The following SERTAD4 variants were observed in gnomAD, a reference collection of about 807,000 sequenced individuals.
SERTAD4 encodes the protein SERTA domain-containing protein 4.
SERTAD4 carries 18 observed loss-of-function variants against 32.9 expected under a neutral mutation model. The ratio of observed to expected loss-of-function variants is 0.55; its 90% CI spans 0.38 to 0.81. The LOEUF (loss-of-function observed/expected upper bound fraction) is 0.81, where lower values mean the gene tolerates loss of function less well. SERTAD4 is among the 30% of genes least tolerant of loss of function. The pLI, the probability that SERTAD4 is intolerant of heterozygous loss-of-function variation, is 0.00. For synonymous variants in SERTAD4, 150 were observed against 156.4 expected, an observed-to-expected ratio of 0.96 and a Z score of 0.30; for missense variants, 383 against 426.0, an observed-to-expected ratio of 0.90 and a Z score of 0.89.
chr1:210,240,672 G>A (rs778034600), intron 3 of SERTAD4, among the ~76,000 whole-genome samples: 2 of 152,156 alleles, frequency 1.3e-5, no homozygotes, highest in Admixed American at 6.5e-5. Flanking sequence ...ACCAACCATC[G>A]CATAGTGACA....
chr1:210,237,935 T>TC lies in SERTAD4; in HGVS notation c.-17-8dup, dbSNP rs772810832. The TC allele has an allele frequency of 1.9e-6, 3 of 1,568,710 alleles. No individual in the cohort carries two copies. The highest frequency in any genetic ancestry group is 2.3e-5 in the South Asian group (2 of 85,128). On this transcript the variant is annotated splice_polypyrimidine_tract_variant and intron_variant, in intron 1 of 3. Coordinates refer to ENST00000367012, the MANE Select transcript of SERTAD4 (RefSeq NM_019605.5). The stretch of plus-strand genomic sequence containing the variant: ...TCTTCATTCTTGTTTTTTTTTTTTT[T>TC]CTTTTCAGATCTGAGGCTGTCAGAG...
Position 210,244,115 on chromosome 1 carries a change from T to G in SERTAD4, c.*1778T>G, listed in dbSNP as rs1405190556. On this transcript the variant is annotated 3_prime_UTR_variant, in exon 4 of 4. Coordinates refer to ENST00000367012, the MANE Select transcript of SERTAD4 (RefSeq NM_019605.5). ...ATAAAAATTCATTAAGTTTTTTAAA[T>G]TTTAATGGCTATTGGCTATGTTTCT... 1 of 152,216 alleles carries G rather than the reference T, an allele frequency of 6.6e-6. No individual in the cohort carries two copies. The allele number at this position is 152,216 out of a possible 1,614,324, so 9.4% of individuals were successfully genotyped here. A position where few individuals can be genotyped will look rare whatever the true frequency, so the allele number is the denominator to read the frequency against.
At position 210,238,266 on chromosome 1, in the gene SERTAD4, T is replaced by C. The variant is rs2083962348; in HGVS notation, c.175+131T>C. ...CTAAAGCTCCAGGGACTTCCCGGGC[T>C]GCCTGTGCGCCTCTCATAAGTGAGT... On this transcript the variant is annotated intron_variant, in intron 2 of 3. Coordinates refer to ENST00000367012, the MANE Select transcript of SERTAD4 (RefSeq NM_019605.5). 4 of 616,132 alleles carry C rather than the reference T, an allele frequency of 6.5e-6. No homozygotes were observed. The East Asian group carries it at 8.4e-5, about 13-fold the overall frequency. The allele number at this position is 616,132 out of a possible 1,614,324, so 38.2% of individuals were successfully genotyped here.
chr1:210,242,470 C>T lies in SERTAD4; in HGVS notation c.*133C>T. The T allele has an allele frequency of 7.0e-7, 1 of 1,435,718 alleles. No individual in the cohort carries two copies. The highest frequency in any genetic ancestry group is 1.4e-5 in the African/African-American group (1 of 70,112). The allele number at this position is 1,435,718 out of a possible 1,614,324, so 88.9% of individuals were successfully genotyped here. A position where few individuals can be genotyped will look rare whatever the true frequency, so the allele number is the denominator to read the frequency against. The stretch of plus-strand genomic sequence containing the variant: ...ATGAACATGCCATGTCGTTTTAATG[C>T]CTGGAGAGCAGATTGCGTAAAACAT... On this transcript the variant is annotated 3_prime_UTR_variant, in exon 4 of 4. Transcript: ENST00000367012. The surrounding 1 kb of genome is among the most constrained non-coding windows in gnomAD (Gnocchi z 4.0).
Position 210,244,375 on chromosome 1 carries a change from C to T in SERTAD4, c.*2038C>T, listed in dbSNP as rs2084027915. The stretch of plus-strand genomic sequence containing the variant: ...TGAAAGAATGTAAAGATTTTCCTTT[C>T]TGGAGTGTCTCTGAAAAAAATTGTA... On this transcript the variant is annotated 3_prime_UTR_variant, in exon 4 of 4. Transcript: ENST00000367012. 1 of 152,152 alleles carries T rather than the reference C, an allele frequency of 6.6e-6. No homozygotes were observed. The highest frequency in any genetic ancestry group is 2.4e-5 in the African/African-American group (1 of 41,426). The allele number at this position is 152,152 out of a possible 1,614,324, so 9.4% of individuals were successfully genotyped here.
At chr1:210,233,994 T>TAAAAA (rs1269438559) in intron 1 of SERTAD4, 5 of 334,938 alleles carry the variant, frequency 1.5e-5, no homozygotes, top group Admixed American at 8.5e-5. Flanking sequence ...GTTTTTTTTT[T>TAAAAA]AAAAAAAAAA....
Position 210,241,534 on chromosome 1 carries a change from C to CTT in SERTAD4, c.292-11_292-10dup, listed in dbSNP as rs77835150. On this transcript the variant is annotated intron_variant, in intron 3 of 3. Transcript: ENST00000367012. ...TCTTCCTTTTTCTGTTTGTTTTTTT[C>CTT]TTTTTTTTTTTTTTGGTTTGTAGAC... The CTT allele has an allele frequency of 6.7e-4, 738 of 1,108,336 alleles. 5 individuals carry two copies. Among genetic ancestry groups the CTT allele is most frequent in the African/African-American group, 3.5e-3 (208 of 59,864 alleles). The allele number at this position is 1,108,336 out of a possible 1,614,324, so 68.7% of individuals were successfully genotyped here.
chr1:210,233,603 G>C, intron 1 of SERTAD4: 1 of 453,706 alleles, frequency 2.2e-6, no homozygotes, highest in South Asian at 1.6e-5. Context: ...GCTGCGCTGC[G>C]GGCGGCGGCG....
chr1:210,236,682 T>C (rs556816564), intron 1 of SERTAD4, among the ~76,000 whole-genome samples: 27 of 152,198 alleles, frequency 1.8e-4, no homozygotes, highest in Middle Eastern at 3.4e-3. Context: ...AAGCAAGAAC[T>C]GGGCCCTTAG....
chr1:210,242,648 G>GC lies in SERTAD4; in HGVS notation c.*317dup. 2 of 1,085,852 alleles carry GC rather than the reference G, an allele frequency of 1.8e-6. No homozygotes were observed. The highest frequency in any genetic ancestry group is 2.2e-6 in the Non-Finnish European group (2 of 896,298). The allele number at this position is 1,085,852 out of a possible 1,614,324, so 67.3% of individuals were successfully genotyped here. On this transcript the variant is annotated 3_prime_UTR_variant, in exon 4 of 4. Transcript: ENST00000367012. This position sits in a 1 kb window ranked among gnomAD's most constrained non-coding sequence, Gnocchi z 4.0. ...AATGTGCCCTTGCAATATTTCCATTGCCCCCCAAGGAGCCTGTCACTAGCT... is the reference window on the plus strand; with the variant it reads ...AATGTGCCCTTGCAATATTTCCATTGCCCCCCCAAGGAGCCTGTCACTAGCT...
In SERTAD4 at chr1:210,238,143, C is replaced by T; in HGVS notation, c.175+8C>T. 1 of 1,574,208 alleles carries T rather than the reference C, an allele frequency of 6.4e-7. No individual in the cohort carries two copies. Among genetic ancestry groups the T allele is most frequent in the Non-Finnish European group, 8.6e-7 (1 of 1,160,170 alleles). ...CTGGTCCCCCACTGGCAGGTATTGCCCTTGACCTGCGCCCATCCCCCCCAC... is the reference window on the plus strand; with the variant it reads ...CTGGTCCCCCACTGGCAGGTATTGCTCTTGACCTGCGCCCATCCCCCCCAC... On this transcript the variant is annotated splice_region_variant and intron_variant, in intron 2 of 3. Transcript: ENST00000367012.
Position 210,244,201 on chromosome 1 carries a change from T to C in SERTAD4, c.*1864T>C, listed in dbSNP as rs2084026052. On this transcript the variant is annotated 3_prime_UTR_variant, in exon 4 of 4. Transcript: ENST00000367012. ...AACATCTAGAAACTGTAGTGGATAGTGGCCACACAGGAGTTTTCTAAATTA... is the reference window on the plus strand; with the variant it reads ...AACATCTAGAAACTGTAGTGGATAGCGGCCACACAGGAGTTTTCTAAATTA... The C allele has an allele frequency of 6.6e-6, 1 of 152,212 alleles. No individual in the cohort carries two copies. The highest frequency in any genetic ancestry group is 6.5e-5 in the Admixed American group (1 of 15,284). The allele number at this position is 152,212 out of a possible 1,614,324, so 9.4% of individuals were successfully genotyped here.
In SERTAD4 at chr1:210,245,511, A is replaced by T. The variant is rs2084040234; in HGVS notation, c.*3174A>T. 6.6e-6 allele frequency: 1 copy of T among 152,218 alleles called. No individual in the cohort carries two copies. Among genetic ancestry groups the T allele is most frequent in the South Asian group, 2.1e-4 (1 of 4,834 alleles). The allele number at this position is 152,218 out of a possible 1,614,324, so 9.4% of individuals were successfully genotyped here. A position where few individuals can be genotyped will look rare whatever the true frequency, so the allele number is the denominator to read the frequency against. ...ACTTTGCAGGGGTCCTAGGGACAGG[A>T]TTGCAGGGACAGGGGACATGGGAGG... On this transcript the variant is annotated 3_prime_UTR_variant, in exon 4 of 4. Coordinates refer to ENST00000367012, the MANE Select transcript of SERTAD4 (RefSeq NM_019605.5).
intron 3 of SERTAD4, among the ~76,000 whole-genome samples, chr1:210,240,994 A>G (rs1427670482): frequency 1.3e-5 from 2 of 152,152 alleles, no homozygotes; most frequent in Non-Finnish European, 2.9e-5. Flanking sequence ...TATATGAGTT[A>G]TGTGTCTGTG....
Position 210,243,076 on chromosome 1 carries a change from G to A in SERTAD4, c.*739G>A, listed in dbSNP as rs2084015068. ...TAAGGATAAATCAGAGTTACAGCAG[G>A]GATTTAACAAACAGGACAAAAAAAA... On this transcript the variant is annotated 3_prime_UTR_variant, in exon 4 of 4. Coordinates refer to ENST00000367012, the MANE Select transcript of SERTAD4 (RefSeq NM_019605.5). The A allele has an allele frequency of 1.1e-5, 3 of 274,636 alleles. No individual in the cohort carries two copies. The highest frequency in any genetic ancestry group is 1.5e-5 in the Non-Finnish European group (3 of 204,034). The allele number at this position is 274,636 out of a possible 1,614,324, so 17.0% of individuals were successfully genotyped here.
intron 1 of SERTAD4, among the ~76,000 whole-genome samples, chr1:210,236,275 A>C (rs2083939653): frequency 6.6e-6 from 1 of 152,242 alleles, no homozygotes; most frequent in Non-Finnish European, 1.5e-5. Flanking sequence ...TTTACTAATA[A>C]GTCCGTACTG....
chr1:210,246,575 C>G (rs1331843975), downstream of SERTAD4: 1 of 985,212 alleles, frequency 1.0e-6, no homozygotes, highest in Non-Finnish European at 1.2e-6. Flanking sequence ...CCTTCAGTAT[C>G]TGTGACAGGC....
chr1:210,235,022 G>A (rs1339247643), intron 1 of SERTAD4, among the ~76,000 whole-genome samples: 1 of 152,136 alleles, frequency 6.6e-6, no homozygotes, highest in African/African-American at 2.4e-5. Flanking sequence ...AGACATTCAG[G>A]AGCCTGAGGA....
chr1:210,236,314 G>A (rs2083940046), intron 1 of SERTAD4, among the ~76,000 whole-genome samples: 1 of 152,182 alleles, frequency 6.6e-6, no homozygotes, highest in African/African-American at 2.4e-5. Context: ...TCTTAAAAGA[G>A]AACGGGGAGG....
Sources: gnomAD v4.1 joint callset for allele counts (sites outside exome capture counted in the v4.1 genomes callset) on GRCh38, gnomAD v4.1.1 for gene constraint, Gnocchi (gnomAD v3.1) non-coding constraint, MANE v1.5 for transcripts, NCBI Gene and HGNC (gene_info 2026-07-23, HGNC 2026-07-21) for gene names.